The following ESR1 variants were observed in gnomAD, a reference collection of about 807,000 sequenced individuals.
ESR1 encodes estrogen receptor 1.
ESR1 carries 12 observed loss-of-function variants against 52.7 expected under a neutral mutation model. The observed-to-expected ratio is 0.23, with a 90% CI of 0.15 to 0.37. The LOEUF (loss-of-function observed/expected upper bound fraction) is 0.37. Ranked by LOEUF, ESR1 falls within the 10% of genes least tolerant of loss-of-function variation. The pLI is 1.00. For synonymous variants in ESR1, 305 were observed against 316.8 expected, an observed-to-expected ratio of 0.96 and a Z score of 0.39; for missense variants, 584 against 779.7, an observed-to-expected ratio of 0.75 and a Z score of 2.99.
chr6:152,028,289 C>T (rs1446467022), intron 5 of ESR1, among the ~76,000 whole-genome samples: 2 of 152,154 alleles, frequency 1.3e-5, no homozygotes, highest in Non-Finnish European at 2.9e-5. Context: ...GACTATTGGA[C>T]AGTGGGTGCA....
At chr6:152,030,265 A>T (rs1259409850) in intron 5 of ESR1, among the ~76,000 whole-genome samples, 1 of 152,194 alleles carries the variant, frequency 6.6e-6, no homozygotes, top group Non-Finnish European at 1.5e-5. Flanking sequence ...TCATAATGAC[A>T]GGATCAAATT....
chr6:151,964,539 ATTTG>A (rs1435652844), intron 4 of ESR1, among the ~76,000 whole-genome samples: 35 of 151,932 alleles, frequency 2.3e-4, no homozygotes, highest in Admixed American at 1.3e-4. Flanking sequence ...ACTTTACTGC[ATTTG>A]TTTATCAGGT....
At chr6:151,979,268 C>T (rs1272029969) in intron 4 of ESR1, among the ~76,000 whole-genome samples, 5 of 151,986 alleles carry the variant, frequency 3.3e-5, no homozygotes, top group South Asian at 4.2e-4. Flanking sequence ...ACATTCCAGC[C>T]GATAGCAATT....
At chr6:152,096,287 T>G (rs931463987) in intron 7 of ESR1, among the ~76,000 whole-genome samples, 21 of 152,192 alleles carry the variant, frequency 1.4e-4, no homozygotes, top group Non-Finnish European at 2.4e-4. Flanking sequence ...TCTTAGTGGC[T>G]ATGAGGGAAG....
chr6:152,100,318 T>G lies in ESR1; in HGVS notation c.*1352T>G, dbSNP rs2050918944. 1 of 385,168 alleles carries G rather than the reference T, an allele frequency of 2.6e-6. No homozygotes were observed. 23.9% of individuals were successfully genotyped at this position (385,168 alleles called of 1,614,324 possible). On this transcript the variant is annotated 3_prime_UTR_variant, in exon 8 of 8. Coordinates refer to ENST00000206249, the MANE Select transcript of ESR1 (RefSeq NM_000125.4). ...GGACCGTTGCTGTCACTACTCAGGC[T>G]GACTGGGGCCTGGTCAGATTACGTA...
chr6:152,115,187 T>A (rs1449423464), intron 6 of ESR1, among the ~76,000 whole-genome samples: 1 of 152,196 alleles, frequency 6.6e-6, no homozygotes, highest in South Asian at 2.1e-4. Context: ...TTATTCTATA[T>A]CTTGTTTTTA....
intron 5 of ESR1, among the ~76,000 whole-genome samples, chr6:152,042,768 T>C (rs1000927715): frequency 3.3e-5 from 5 of 152,166 alleles, no homozygotes; most frequent in African/African-American, 4.8e-5. Context: ...CAATTTCACT[T>C]TTTAGGAACA....
chr6:152,023,756 T>C (rs776937440), intron 5 of ESR1, among the ~76,000 whole-genome samples: 1 of 152,200 alleles, frequency 6.6e-6, no homozygotes, highest in Non-Finnish European at 1.5e-5. Context: ...AGGTAAGTTG[T>C]TTTGTAGCTG....
chr6:152,006,973 C>A (rs958366250), intron 4 of ESR1, among the ~76,000 whole-genome samples: 1 of 151,994 alleles, frequency 6.6e-6, no homozygotes, highest in African/African-American at 2.4e-5. Context: ...CCCATGGAAG[C>A]AGGAATATAA....
intron 1 of ESR1, among the ~76,000 whole-genome samples, chr6:151,695,163 A>G (rs972849713): frequency 2.0e-5 from 3 of 152,204 alleles, no homozygotes; most frequent in Non-Finnish European, 4.4e-5. Context: ...TGTAAAAACC[A>G]TCAAGATCCC....
At chr6:151,766,701 G>T (rs1203233185) in intron 2 of ESR1, among the ~76,000 whole-genome samples, 4 of 152,070 alleles carry the variant, frequency 2.6e-5, no homozygotes, top group African/African-American at 9.7e-5. Context: ...ATACTCTTTA[G>T]TTCTTTTAAA....
intron 2 of ESR1, among the ~76,000 whole-genome samples, chr6:151,849,558 T>C (rs1387637236): frequency 1.3e-5 from 2 of 151,646 alleles, no homozygotes; most frequent in African/African-American, 4.8e-5. Flanking sequence ...GCAGGATAAT[T>C]GCTTGAACTC....
rs754327679 is a variant in ESR1 at position 151,808,158 on chromosome 6, C to G, written c.246C>G (p.Pro82=). The G allele has an allele frequency of 1.3e-6, 2 of 1,595,432 alleles. No individual in the cohort carries two copies. The highest frequency in any genetic ancestry group is 1.7e-6 in the Non-Finnish European group (2 of 1,171,570). Residue 82 remains proline (P), a synonymous_variant, in exon 1 of 8, where the codon CCC becomes CCG. Transcript: ENST00000206249. ...GTCAGACCGGCCTCCCCTACGGCCCCGGGTCTGAGGCTGCGGCGTTCGGCT... is the reference window on the plus strand; with the variant it reads ...GTCAGACCGGCCTCCCCTACGGCCCGGGGTCTGAGGCTGCGGCGTTCGGCT... ...VYGQTGLPYG[P]GSEAAAFGSN...
At chr6:151,949,750 G>A (rs759124067) in intron 4 of ESR1, among the ~76,000 whole-genome samples, 1 of 152,248 alleles carries the variant, frequency 6.6e-6, no homozygotes, top group Admixed American at 6.5e-5. Context: ...GAAAGCAGCT[G>A]CTGTTGACTG....
chr6:151,764,853 T>C (rs1405352987), intron 2 of ESR1, among the ~76,000 whole-genome samples: 1 of 152,230 alleles, frequency 6.6e-6, no homozygotes, highest in Non-Finnish European at 1.5e-5. Flanking sequence ...TAGCACTTCA[T>C]GTGATTCTGT....
Position 151,896,199 on chromosome 6 carries a change from G to A in ESR1, c.760+15428G>A, listed in dbSNP as rs117072374. Among the ~76,000 whole-genome samples the A allele has an allele frequency of 3.5e-4, 53 of 152,212 alleles. No homozygotes were observed. The East Asian group carries it at 7.5e-3, about 22-fold the overall frequency. ...GTACAAGGGTGATACTGGCTTCATC[G>A]AATGATTTAGGGAGGATTCCCTCTT... On this transcript the variant is annotated intron_variant, in intron 3 of 7. Transcript: ENST00000206249.
chr6:152,015,834 C>T (rs560931155), intron 5 of ESR1, among the ~76,000 whole-genome samples: 10 of 152,194 alleles, frequency 6.6e-5, no homozygotes, highest in South Asian at 6.2e-4. Flanking sequence ...TTCCAAATTT[C>T]GCCATTTGGA....
intron 2 of ESR1, among the ~76,000 whole-genome samples, chr6:151,788,255 T>C (rs551425297): frequency 6.6e-6 from 1 of 152,106 alleles, no homozygotes; most frequent in South Asian, 2.1e-4. Context: ...AACTTAAATT[T>C]ACAAGAAAAA....
intron 6 of ESR1, among the ~76,000 whole-genome samples, chr6:152,071,973 A>G (rs562640048): frequency 6.6e-6 from 1 of 152,338 alleles, no homozygotes; most frequent in South Asian, 2.1e-4. Flanking sequence ...CCAGGAAACT[A>G]TCAATTACAC....
Sources: gnomAD v4.1 joint callset for allele counts (sites outside exome capture counted in the v4.1 genomes callset) on GRCh38, gnomAD v4.1.1 for gene constraint, MANE v1.5 for transcripts, NCBI Gene and HGNC (gene_info 2026-07-23, HGNC 2026-07-21) for gene names.